Variants in CNTN5 observed in about 807,000 individuals in gnomAD.
CNTN5 encodes contactin 5.
In CNTN5, 77 loss-of-function variants were observed where a neutral mutation model predicts 129.1. That is an observed-to-expected ratio of 0.60 (90% confidence interval 0.50 to 0.72). CNTN5 has a LOEUF of 0.72. Ranked by LOEUF, CNTN5 falls within the 30% of genes least tolerant of loss-of-function variation. The pLI is 0.00. For missense variants in CNTN5, 1,478 were observed against 1,328.8 expected (o/e 1.11, Z -1.75); for synonymous variants, 509 against 465.6 (o/e 1.09, Z -1.20).
At chr11:99,202,653 G>T (rs1859267190) in intron 1 of CNTN5, among the ~76,000 whole-genome samples, 1 of 151,896 alleles carries the variant, frequency 6.6e-6, no homozygotes, top group East Asian at 1.9e-4. Context: ...TTTTTGGGTT[G>T]TTTTTGTTTT....
intron 6 of CNTN5, among the ~76,000 whole-genome samples, chr11:99,880,949 C>T (rs1012489867): frequency 7.2e-5 from 11 of 151,744 alleles, no homozygotes; most frequent in Non-Finnish European, 1.3e-4. Context: ...TAAAGTGTAC[C>T]TAAAAATTGT....
intron 1 of CNTN5, among the ~76,000 whole-genome samples, chr11:99,193,793 G>A (rs1026800727): frequency 6.6e-6 from 1 of 152,088 alleles, no homozygotes; most frequent in Non-Finnish European, 1.5e-5. Context: ...TAGAATCTAT[G>A]GCATCAAACT....
chr11:100,172,451 G>A (rs1173620040), intron 13 of CNTN5, among the ~76,000 whole-genome samples: 2 of 152,044 alleles, frequency 1.3e-5, no homozygotes, highest in African/African-American at 2.4e-5. Flanking sequence ...AGAATATGCT[G>A]AGTGCTGGGA....
intron 3 of CNTN5, among the ~76,000 whole-genome samples, chr11:99,623,258 T>C (rs972940239): frequency 3.3e-5 from 5 of 152,090 alleles, no homozygotes; most frequent in African/African-American, 7.2e-5. Context: ...ACAAATTATG[T>C]GGGGAGTTAT....
chr11:99,120,710 A>G (rs910111656), intron 1 of CNTN5, among the ~76,000 whole-genome samples: 2 of 152,190 alleles, frequency 1.3e-5, no homozygotes, highest in African/African-American at 2.4e-5. Flanking sequence ...GGCTTGGGAA[A>G]ATACCATCAT....
chr11:99,638,986 G>A (rs1375260284), intron 3 of CNTN5, among the ~76,000 whole-genome samples: 1 of 152,208 alleles, frequency 6.6e-6, no homozygotes, highest in Non-Finnish European at 1.5e-5. Context: ...ATTTCCATCT[G>A]TACTGCCCTA....
intron 9 of CNTN5, among the ~76,000 whole-genome samples, chr11:100,048,715 A>T (rs754021642): frequency 6.6e-6 from 1 of 152,082 alleles, no homozygotes; most frequent in Non-Finnish European, 1.5e-5. Flanking sequence ...TTATGGAACA[A>T]TTAGCTACAT....
At chr11:99,263,271 T>A (rs1233643575) in intron 1 of CNTN5, among the ~76,000 whole-genome samples, 2 of 152,118 alleles carry the variant, frequency 1.3e-5, no homozygotes, top group Admixed American at 6.6e-5. Flanking sequence ...GTTCCTTACT[T>A]TTATCCCGGA....
At position 99,796,801 on chromosome 11, in the gene CNTN5, C is replaced by T. The variant is rs529941444; in HGVS notation, c.56-22743C>T. On this transcript the variant is annotated intron_variant, in intron 3 of 24. Coordinates refer to ENST00000524871, the MANE Select transcript of CNTN5 (RefSeq NM_014361.4). ...GAGCTTCACTGCAGACACTCCTGTG[C>T]CAAATCCTCTGGGTGCTACACTGGC... is the stretch of plus-strand genomic sequence containing the variant. 2.0e-5 allele frequency among the ~76,000 whole-genome samples: 3 copies of T among 152,220 alleles called. No individual in the cohort carries two copies. In the South Asian group the frequency reaches 6.2e-4, roughly 32 times the overall value.
intron 1 of CNTN5, among the ~76,000 whole-genome samples, chr11:99,150,427 C>G (rs1860000415): frequency 6.6e-6 from 1 of 151,876 alleles, no homozygotes; most frequent in Non-Finnish European, 1.5e-5. Flanking sequence ...ATGTTGACAA[C>G]TATATTTTTG....
chr11:99,601,885 T>G (rs982184399), intron 3 of CNTN5, among the ~76,000 whole-genome samples: 1 of 152,192 alleles, frequency 6.6e-6, no homozygotes, highest in Non-Finnish European at 1.5e-5. Flanking sequence ...TGCTCAATAG[T>G]AGAGAGTATG....
chr11:99,795,588 CTT>C (rs35521565), intron 3 of CNTN5, among the ~76,000 whole-genome samples: 3 of 143,176 alleles, frequency 2.1e-5, no homozygotes, highest in Non-Finnish European at 1.5e-5. Flanking sequence ...TCCTTTAGAT[CTT>C]TTTTTTTTTT....
chr11:100,184,254 G>A (rs1001520858), intron 13 of CNTN5, among the ~76,000 whole-genome samples: 4 of 151,992 alleles, frequency 2.6e-5, no homozygotes, highest in African/African-American at 7.3e-5. Context: ...TACTTTTAAA[G>A]AACTAGATAT....
intron 1 of CNTN5, among the ~76,000 whole-genome samples, chr11:99,231,295 C>T (rs1023230060): frequency 1.3e-5 from 2 of 152,022 alleles, no homozygotes; most frequent in African/African-American, 2.4e-5. Context: ...TCCTGTTTCT[C>T]CTCAGCCAAC....
At chr11:99,161,479 C>T (rs1485729007) in intron 1 of CNTN5, among the ~76,000 whole-genome samples, 1 of 151,554 alleles carries the variant, frequency 6.6e-6, no homozygotes, top group Admixed American at 6.6e-5. Context: ...TATAGGAGGC[C>T]CTTTAAAAGT....
At chr11:99,821,186 C>T (rs531259145) in intron 4 of CNTN5, among the ~76,000 whole-genome samples, 6 of 152,032 alleles carry the variant, frequency 3.9e-5, no homozygotes, top group Non-Finnish European at 5.9e-5. Context: ...CTTGTATAGT[C>T]GGTATAATTT....
At position 99,025,179 on chromosome 11, in the gene CNTN5, C is replaced by T. The variant is rs12294266; in HGVS notation, c.-210+3909C>T. 8.1e-3 allele frequency among the ~76,000 whole-genome samples: 1,227 copies of T among 151,872 alleles called. 15 individuals carry two copies. The highest frequency in any genetic ancestry group is 0.028 in the African/African-American group (1,163 of 41,482). ...TTTCTCACACTCAATTTGCATAGAGCGGAGATCTAGATAAAAAGCAAGAAG... is the reference window on the plus strand; with the variant it reads ...TTTCTCACACTCAATTTGCATAGAGTGGAGATCTAGATAAAAAGCAAGAAG... On this transcript the variant is annotated intron_variant, in intron 1 of 24. Transcript: ENST00000524871.
At position 99,807,277 on chromosome 11, in the gene CNTN5, G is replaced by C. The variant is rs149153229; in HGVS notation, c.56-12267G>C. Among the ~76,000 whole-genome samples, 25 of 152,188 alleles carry C rather than the reference G, an allele frequency of 1.6e-4. No individual in the cohort carries two copies. In the East Asian group the frequency reaches 4.8e-3, roughly 29 times the overall value. On this transcript the variant is annotated intron_variant, in intron 3 of 24. Transcript: ENST00000524871. The stretch of plus-strand genomic sequence containing the variant: ...ATTAAGTCAAAAATTCTAGAAAACA[G>C]TTTTAGCAGTAGCTATTTTCACTTC...
At chr11:99,240,192 T>C (rs1030111888) in intron 1 of CNTN5, among the ~76,000 whole-genome samples, 5 of 151,112 alleles carry the variant, frequency 3.3e-5, no homozygotes, top group African/African-American at 1.2e-4. Flanking sequence ...GAGGTTTTCC[T>C]CTTTTGGCTT....
Sources: gnomAD v4.1 joint callset for allele counts (sites outside exome capture counted in the v4.1 genomes callset) on GRCh38, gnomAD v4.1.1 for gene constraint, MANE v1.5 for transcripts, NCBI Gene and HGNC (gene_info 2026-07-23, HGNC 2026-07-21) for gene names.